MARCHF1: variants seen among roughly 807,000 people sequenced by gnomAD.
The protein encoded by MARCHF1 is membrane associated ring-CH-type finger 1.
A neutral mutation model predicts 54.2 loss-of-function variants in MARCHF1; 40 were observed. The observed-to-expected ratio is 0.74, with a 90% CI of 0.57 to 0.96. The LOEUF (loss-of-function observed/expected upper bound fraction) is 0.96. Ranked by LOEUF, MARCHF1 falls within the 40% of genes least tolerant of loss-of-function variation. MARCHF1 has a pLI of 0.00. For missense variants in MARCHF1, 586 were observed against 656.5 expected, an observed-to-expected ratio of 0.89 and a Z score of 1.17; for synonymous variants, 236 against 236.3, an observed-to-expected ratio of 1.00 and a Z score of 0.01.
intron 4 of MARCHF1, among the ~76,000 whole-genome samples, chr4:163,730,347 C>A (rs113727983): frequency 3.2e-4 from 48 of 152,202 alleles, no homozygotes; most frequent in African/African-American, 1.1e-3. Flanking sequence ...TTTAAGACAG[C>A]TCTTTTAAAG....
At chr4:164,308,950 C>A (rs1306650864) in intron 1 of MARCHF1, among the ~76,000 whole-genome samples, 2 of 145,418 alleles carry the variant, frequency 1.4e-5, no homozygotes, top group African/African-American at 5.1e-5. Context: ...ACTCCTGAAC[C>A]TAAAATAAAA....
chr4:164,311,617 T>C (rs1183879960), intron 1 of MARCHF1, among the ~76,000 whole-genome samples: 1 of 152,186 alleles, frequency 6.6e-6, no homozygotes, highest in East Asian at 1.9e-4. Flanking sequence ...GTTCTAAATA[T>C]CATCTTGAGT....
chr4:163,540,819 C>A (rs564035444), intron 9 of MARCHF1, among the ~76,000 whole-genome samples: 2 of 152,136 alleles, frequency 1.3e-5, no homozygotes, highest in East Asian at 3.9e-4. Context: ...CCCAGGTGTT[C>A]AGGACCAGCC....
At chr4:163,533,776 C>T (rs886285190) in intron 9 of MARCHF1, among the ~76,000 whole-genome samples, 3 of 150,556 alleles carry the variant, frequency 2.0e-5, no homozygotes, top group South Asian at 2.1e-4. Flanking sequence ...AGAATTTCTT[C>T]GAGTAAGAGA....
chr4:163,808,396 A>C (rs1416133991), intron 4 of MARCHF1, among the ~76,000 whole-genome samples: 1 of 152,184 alleles, frequency 6.6e-6, no homozygotes, highest in Non-Finnish European at 1.5e-5. Context: ...GCTAAAATAA[A>C]ATTTCAAATG....
intron 1 of MARCHF1, among the ~76,000 whole-genome samples, chr4:164,379,145 T>C (rs1017272313): frequency 1.6e-4 from 25 of 151,996 alleles, no homozygotes; most frequent in Admixed American, 9.2e-4. Flanking sequence ...CTCCAAGTCA[T>C]AGAAGAAAAG....
intron 1 of MARCHF1, among the ~76,000 whole-genome samples, chr4:164,340,871 C>G (rs147494154): frequency 1.4e-5 from 2 of 146,440 alleles, no homozygotes; most frequent in Admixed American, 1.4e-4. Flanking sequence ...ATTCATTTTT[C>G]TAAGGCCAAC....
intron 1 of MARCHF1, among the ~76,000 whole-genome samples, chr4:164,271,178 C>T (rs1224733730): frequency 1.3e-5 from 2 of 152,052 alleles, no homozygotes; most frequent in Admixed American, 1.3e-4. Flanking sequence ...GATGCCCATG[C>T]CTAACCCTGG....
intron 1 of MARCHF1, among the ~76,000 whole-genome samples, chr4:164,294,858 A>T (rs971071165): frequency 3.3e-5 from 5 of 152,214 alleles, no homozygotes; most frequent in Admixed American, 1.3e-4. Flanking sequence ...CTTCTTAAAT[A>T]TACCCTATTG....
chr4:164,293,768 C>T (rs1734344665), intron 1 of MARCHF1, among the ~76,000 whole-genome samples: 1 of 152,196 alleles, frequency 6.6e-6, no homozygotes, highest in African/African-American at 2.4e-5. Context: ...TGCCTGTAGG[C>T]ATGAAGGCTC....
intron 5 of MARCHF1, among the ~76,000 whole-genome samples, chr4:163,675,875 T>C (rs543839335): frequency 1.1e-4 from 16 of 152,276 alleles, no homozygotes; most frequent in African/African-American, 3.9e-4. Flanking sequence ...CATTTTTCTT[T>C]AAAATATCTC....
At chr4:164,287,096 A>G (rs1734169940) in intron 1 of MARCHF1, among the ~76,000 whole-genome samples, 1 of 148,344 alleles carries the variant, frequency 6.7e-6, no homozygotes, top group Admixed American at 6.7e-5. Flanking sequence ...TAAAAATAAT[A>G]TAATTTATAT....
chr4:163,767,827 AAAAAG>A lies in MARCHF1; in HGVS notation c.112-66969_112-66965del, dbSNP rs150341877. On this transcript the variant is annotated intron_variant, in intron 4 of 9. Transcript: ENST00000514618. ...TAAAACAGCCTTTTCTTTAAAATAA[AAAAAG>A]AAAATTAAAATAGGTTAATTTTCTG... is the stretch of plus-strand genomic sequence containing the variant. Among the ~76,000 whole-genome samples, 1,010 of 152,332 alleles carry A rather than the reference AAAAAG, an allele frequency of 6.6e-3. 13 individuals carry two copies. Among genetic ancestry groups the A allele is most frequent in the African/African-American group, 0.023 (962 of 41,566 alleles).
chr4:163,898,629 T>C (rs1750869952), intron 3 of MARCHF1, among the ~76,000 whole-genome samples: 1 of 152,130 alleles, frequency 6.6e-6, no homozygotes, highest in Non-Finnish European at 1.5e-5. Flanking sequence ...GTGTGAAGAT[T>C]TCTCAAAGAA....
chr4:164,000,510 A>AAG (rs1491440051), intron 2 of MARCHF1, among the ~76,000 whole-genome samples: 4 of 151,628 alleles, frequency 2.6e-5, no homozygotes, highest in African/African-American at 4.8e-5. Flanking sequence ...GAGAAAGCAC[A>AAG]AGAGAGAGAG....
intron 4 of MARCHF1, among the ~76,000 whole-genome samples, chr4:163,759,341 G>A (rs1283472632): frequency 6.6e-6 from 1 of 151,998 alleles, no homozygotes; most frequent in Non-Finnish European, 1.5e-5. Flanking sequence ...AAAGGTACAT[G>A]ATAATGTGCC....
chr4:163,619,618 T>C (rs1741615656), intron 5 of MARCHF1, among the ~76,000 whole-genome samples: 1 of 152,044 alleles, frequency 6.6e-6, no homozygotes, highest in African/African-American at 2.4e-5. Flanking sequence ...TATATGTATC[T>C]TTCTGTTTCT....
chr4:164,278,950 GC>G (rs1733954125), intron 1 of MARCHF1, among the ~76,000 whole-genome samples: 1 of 152,034 alleles, frequency 6.6e-6, no homozygotes, highest in Admixed American at 6.6e-5. Context: ...ATCTGTGCAT[GC>G]CTATACATAT....
intron 4 of MARCHF1, among the ~76,000 whole-genome samples, chr4:163,798,073 TA>T (rs1326189988): frequency 6.6e-6 from 1 of 152,214 alleles, no homozygotes; most frequent in African/African-American, 2.4e-5. Flanking sequence ...CACATTCATA[TA>T]TCAAAACCCT....
Sources: allele counts gnomAD v4.1 joint callset (sites outside exome capture counted in the v4.1 genomes callset), GRCh38; gene constraint gnomAD v4.1.1; transcripts MANE v1.5; gene names NCBI Gene and HGNC (gene_info 2026-07-23, HGNC 2026-07-21).